The following EPHA6 variants were observed in gnomAD, a reference collection of about 807,000 sequenced individuals.
The protein encoded by EPHA6 is ephrin type-A receptor 6.
In EPHA6, 50 loss-of-function variants were observed where a neutral mutation model predicts 112.0. The ratio of observed to expected loss-of-function variants is 0.45; its 90% CI spans 0.36 to 0.56. EPHA6 has a LOEUF of 0.56. Among genes scored for constraint, EPHA6 ranks in the 20% least tolerant of loss-of-function variants. EPHA6 has a pLI of 0.00. For missense variants in EPHA6, 1,280 were observed against 1,417.4 expected (o/e 0.90, Z 1.56); for synonymous variants, 529 against 490.7 (o/e 1.08, Z -1.03).
intron 5 of EPHA6, among the ~76,000 whole-genome samples, chr3:97,394,806 A>G (rs1484581182): frequency 6.6e-6 from 1 of 151,678 alleles, no homozygotes; most frequent in Non-Finnish European, 1.5e-5. Flanking sequence ...GAAAAGGAGG[A>G]ACTCTTATGC....
At chr3:97,338,168 C>T (rs1057387239) in intron 5 of EPHA6, among the ~76,000 whole-genome samples, 2 of 151,904 alleles carry the variant, frequency 1.3e-5, no homozygotes, top group Non-Finnish European at 2.9e-5. Flanking sequence ...AAATCCTCTA[C>T]CCATGCAATC....
At chr3:97,739,132 T>C (rs1321908527) in intron 16 of EPHA6, among the ~76,000 whole-genome samples, 1 of 152,084 alleles carries the variant, frequency 6.6e-6, no homozygotes, top group Non-Finnish European at 1.5e-5. Flanking sequence ...CAGAGCCCAG[T>C]TGTCTGCCCC....
intron 7 of EPHA6, among the ~76,000 whole-genome samples, chr3:97,450,639 C>A (rs989446698): frequency 6.6e-6 from 1 of 151,962 alleles, no homozygotes; most frequent in African/African-American, 2.4e-5. Flanking sequence ...AAGACAATTT[C>A]TTCAGATGTT....
intron 3 of EPHA6, among the ~76,000 whole-genome samples, chr3:96,989,700 G>C (rs1374361778): frequency 6.6e-6 from 1 of 152,074 alleles, no homozygotes; most frequent in Admixed American, 6.6e-5. Context: ...AAGCATGTAT[G>C]CCTTACCCTG....
chr3:97,738,757 C>G (rs988237237), intron 16 of EPHA6, among the ~76,000 whole-genome samples: 1 of 152,092 alleles, frequency 6.6e-6, no homozygotes, highest in Non-Finnish European at 1.5e-5. Context: ...ATTCTAAAGT[C>G]TGATCTCTGG....
intron 14 of EPHA6, among the ~76,000 whole-genome samples, chr3:97,702,060 A>G (rs1328754727): frequency 6.6e-6 from 1 of 152,300 alleles, no homozygotes; most frequent in East Asian, 1.9e-4. Context: ...ACCCAGTTGT[A>G]CTGTCAAGGC....
chr3:96,865,770 G>A (rs1486308129), intron 1 of EPHA6, among the ~76,000 whole-genome samples: 3 of 151,340 alleles, frequency 2.0e-5, no homozygotes, highest in Non-Finnish European at 4.4e-5. Flanking sequence ...TAATGATGTG[G>A]TACCAAAGCA....
intron 11 of EPHA6, among the ~76,000 whole-genome samples, chr3:97,590,033 T>G (rs892382150): frequency 3.9e-5 from 6 of 152,182 alleles, no homozygotes; most frequent in African/African-American, 1.4e-4. Flanking sequence ...AAGGAAATTA[T>G]AACAAAGAAT....
At chr3:97,467,050 T>A (rs1053931692) in intron 7 of EPHA6, among the ~76,000 whole-genome samples, 1 of 151,854 alleles carries the variant, frequency 6.6e-6, no homozygotes, top group Non-Finnish European at 1.5e-5. Flanking sequence ...CCTTCACACA[T>A]ACCTCCATTC....
intron 5 of EPHA6, among the ~76,000 whole-genome samples, chr3:97,373,298 A>T (rs181964466): frequency 6.6e-6 from 1 of 152,234 alleles, no homozygotes; most frequent in East Asian, 1.9e-4. Flanking sequence ...TGTAATTTTT[A>T]AAATTATCAT....
intron 3 of EPHA6, among the ~76,000 whole-genome samples, chr3:97,190,341 G>A (rs1022906038): frequency 2.0e-4 from 30 of 152,148 alleles, no homozygotes; most frequent in African/African-American, 7.0e-4. Flanking sequence ...GACAATTAGT[G>A]TCCCTTAGGA....
At chr3:97,029,973 CT>C (rs1417056410) in intron 3 of EPHA6, among the ~76,000 whole-genome samples, 2 of 152,020 alleles carry the variant, frequency 1.3e-5, no homozygotes, top group African/African-American at 4.8e-5. Context: ...TATACTTACC[CT>C]TTGACATACC....
chr3:97,689,603 C>A (rs988892713), intron 14 of EPHA6, among the ~76,000 whole-genome samples: 10 of 152,140 alleles, frequency 6.6e-5, no homozygotes, highest in Non-Finnish European at 1.5e-4. Flanking sequence ...GTGAGCCCAC[C>A]TTCCTCATTG....
At chr3:97,719,430 C>T (rs1341539891) in intron 14 of EPHA6, among the ~76,000 whole-genome samples, 1 of 152,032 alleles carries the variant, frequency 6.6e-6, no homozygotes, top group Non-Finnish European at 1.5e-5. Context: ...CCCTTCAACT[C>T]GCACTTTGGA....
chr3:97,173,234 A>G (rs904545885), intron 3 of EPHA6, among the ~76,000 whole-genome samples: 7 of 151,970 alleles, frequency 4.6e-5, no homozygotes, highest in Non-Finnish European at 1.0e-4. Flanking sequence ...GTCAAGTGGC[A>G]TGCTAGCATA....
intron 3 of EPHA6, among the ~76,000 whole-genome samples, chr3:97,120,944 A>T (rs372894432): frequency 1.3e-5 from 2 of 152,038 alleles, no homozygotes; most frequent in South Asian, 4.1e-4. Context: ...TTAATATTAG[A>T]TGACAAATAC....
At chr3:96,916,240 G>A (rs2039476330) in intron 2 of EPHA6, among the ~76,000 whole-genome samples, 1 of 152,098 alleles carries the variant, frequency 6.6e-6, no homozygotes, top group Non-Finnish European at 1.5e-5. Flanking sequence ...TTTTGGGACA[G>A]AGCCTTTGGA....
At chr3:96,919,553 G>T (rs1294253120) in intron 2 of EPHA6, among the ~76,000 whole-genome samples, 1 of 151,682 alleles carries the variant, frequency 6.6e-6, no homozygotes, top group Non-Finnish European at 1.5e-5. Context: ...TTATATTTAT[G>T]TCTATTTCAA....
intron 2 of EPHA6, among the ~76,000 whole-genome samples, chr3:96,915,803 A>G (rs1017384477): frequency 3.9e-5 from 6 of 152,082 alleles, no homozygotes; most frequent in African/African-American, 1.4e-4. Context: ...AGCACTTTGT[A>G]TAAATTCATT....
Sources: allele counts gnomAD v4.1 joint callset (sites outside exome capture counted in the v4.1 genomes callset), GRCh38; gene constraint gnomAD v4.1.1; transcripts MANE v1.5; gene names NCBI Gene and HGNC (gene_info 2026-07-23, HGNC 2026-07-21).